Variants in ZC3H18 observed in about 807,000 individuals in gnomAD.
ZC3H18 encodes the protein zinc finger CCCH-type containing 18.
A neutral mutation model predicts 106.1 loss-of-function variants in ZC3H18; 8 were observed. That is an observed-to-expected ratio of 0.08 (90% confidence interval 0.04 to 0.14). The LOEUF is 0.14. Ranked by LOEUF, ZC3H18 falls within the 10% of genes least tolerant of loss-of-function variation. ZC3H18 has a pLI of 1.00. For missense variants in ZC3H18, 1,318 were observed against 1,278.4 expected (o/e 1.03, Z -0.47); for synonymous variants, 635 against 522.1 (o/e 1.22, Z -2.95).
chr16:88,574,667 A>ATTTTT (rs35816940), intron 1 of ZC3H18, among the ~76,000 whole-genome samples: 4 of 79,858 alleles, frequency 5.0e-5, no homozygotes, highest in Non-Finnish European at 9.2e-5. Flanking sequence ...CACCCAGCTA[A>ATTTTT]TTTTTTTTTT....
At chr16:88,612,394 G>A (rs773981930) in intron 8 of ZC3H18, among the ~76,000 whole-genome samples, 50 of 151,926 alleles carry the variant, frequency 3.3e-4, no homozygotes, top group Admixed American at 5.2e-4. Context: ...GAAACCTTGC[G>A]GTGGCTCACA....
intron 15 of ZC3H18, 188 bp from the exon 16 acceptor site, chr16:88,628,570 G>T: frequency 1.6e-6 from 1 of 616,432 alleles, no homozygotes; most frequent in East Asian, 2.8e-5. Context: ...AGGGCCCCAA[G>T]TGCACAGTGG....
chr16:88,584,027 A>T lies in ZC3H18; in HGVS notation c.604-2573A>T, dbSNP rs117669054. On this transcript the variant is annotated intron_variant, in intron 2 of 17. Coordinates refer to ENST00000301011, the MANE Select transcript of ZC3H18 (RefSeq NM_144604.4). ...GAGTTGTCTTTGCATGATATTCTAA[A>T]ATTTAAGAACTTGTTTTAATTATCC... Among the ~76,000 whole-genome samples, 11 of 152,100 alleles carry T rather than the reference A, an allele frequency of 7.2e-5. No individual in the cohort carries two copies. In the East Asian group the frequency reaches 1.7e-3, roughly 24 times the overall value.
chr16:88,580,202 GTGTGTGTATATGTA>G (rs748128091), intron 2 of ZC3H18, among the ~76,000 whole-genome samples: 11,895 of 100,400 alleles, frequency 0.12, 546 homozygotes, highest in East Asian at 0.22. Context: ...GTGTGTGTGT[GTGTGTGTATATGTA>G]TATGTCTCTG....
intron 3 of ZC3H18, among the ~76,000 whole-genome samples, chr16:88,588,479 C>T (rs192957044): frequency 6.6e-6 from 1 of 152,318 alleles, no homozygotes; most frequent in African/African-American, 2.4e-5. Context: ...ACAAAACAGA[C>T]AGAGAGATGG....
At chr16:88,593,110 C>G (rs762464130) in intron 3 of ZC3H18, among the ~76,000 whole-genome samples, 11 of 152,178 alleles carry the variant, frequency 7.2e-5, no homozygotes, top group Non-Finnish European at 1.3e-4. Flanking sequence ...CAAAAGAGCT[C>G]ACTTTACTGC....
chr16:88,607,219 C>T (rs1258881295), intron 6 of ZC3H18, among the ~76,000 whole-genome samples: 1 of 152,210 alleles, frequency 6.6e-6, no homozygotes, highest in East Asian at 1.9e-4. Context: ...TCTGGACCTC[C>T]TGCCTCCTCC....
intron 8 of ZC3H18, among the ~76,000 whole-genome samples, chr16:88,620,025 A>G (rs904463007): frequency 6.6e-6 from 1 of 152,242 alleles, no homozygotes; most frequent in Non-Finnish European, 1.5e-5. Context: ...GCTGACGTAC[A>G]GGAGCTGAAG....
intron 8 of ZC3H18, among the ~76,000 whole-genome samples, chr16:88,614,355 GTCC>G (rs1905450121): frequency 1.3e-5 from 2 of 152,326 alleles, no homozygotes; most frequent in Admixed American, 1.3e-4. Context: ...CAAGCCCCTT[GTCC>G]TCCTCATCTT....
In ZC3H18 at chr16:88,611,455, G is replaced by A. The variant is rs563795475; in HGVS notation, c.1394G>A (p.Arg465Gln). The change falls in exon 8 of 18, where the codon CGG becomes CAG. Residue 465 changes from arginine to glutamine, a missense_variant. Physicochemically the swap from Arg to Gln is conservative, Grantham distance 43 (BLOSUM62 1). This residue lies in a region of ZC3H18 where 848 missense variants were observed against 821.7 expected (regional missense o/e 1.03). Coordinates refer to ENST00000301011, the MANE Select transcript of ZC3H18 (RefSeq NM_144604.4). The stretch of plus-strand genomic sequence containing the variant: ...CGAGCCAAGCGGGACGAGAAGGACC[G>A]GCAGCACCGTGACCGCGACCGGGAG... ...RERAKRDEKD[R>Q]QHRDRDREKE... The A allele has an allele frequency of 5.2e-6, 8 of 1,537,604 alleles. No homozygotes were observed. The highest frequency in any genetic ancestry group is 2.4e-5 in the East Asian group (1 of 40,828).
chr16:88,628,214 G>C, intron 15 of ZC3H18, 95 bp downstream of exon 15: 1 of 1,385,050 alleles, frequency 7.2e-7, no homozygotes, highest in Non-Finnish European at 9.8e-7. Flanking sequence ...CGGAGCCTGA[G>C]TGAGGGCGAG....
intron 10 of ZC3H18, 187 bp from the exon 11 acceptor site, chr16:88,623,771 G>A (rs1567598591): frequency 1.3e-5 from 15 of 1,133,316 alleles, no homozygotes; most frequent in South Asian, 4.1e-5. Flanking sequence ...CACCTTCCAC[G>A]CTCTCTGGTC....
chr16:88,586,493 G>A (rs1915443025), intron 2 of ZC3H18, 107 bp from the exon 3 acceptor site: 1 of 894,448 alleles, frequency 1.1e-6, no homozygotes. Flanking sequence ...CAATTCCTGT[G>A]ACAATATCCA....
At chr16:88,587,484 C>G in intron 3 of ZC3H18, 2 of 1,440,280 alleles carry the variant, frequency 1.4e-6, no homozygotes, top group Non-Finnish European at 1.9e-6. Context: ...ATGACTGTCA[C>G]TGCCAGCCTG....
intron 3 of ZC3H18, among the ~76,000 whole-genome samples, chr16:88,597,869 G>C (rs1454432200): frequency 2.0e-5 from 3 of 152,242 alleles, no homozygotes. Flanking sequence ...GGCTTTTCTG[G>C]TTTAAGGGGA....
Position 88,627,638 on chromosome 16 carries a change from A to G in ZC3H18, c.2125A>G (p.Ser709Gly). ...TGTGTCCAGGTCCCTGAGCGTGAGC[A>G]GCGTCTCCTCAGTGTCCAGTGCTAC... ...SSRSRSLSVS[S>G]VSSVSSATSS... Residue 709 changes from serine to glycine, a missense_variant, in exon 14 of 18, where the codon AGC becomes GGC. Coordinates refer to ENST00000301011, the MANE Select transcript of ZC3H18 (RefSeq NM_144604.4). This position sits in a 1 kb window ranked among gnomAD's most constrained non-coding sequence, Gnocchi z 4.5. 1.2e-6 allele frequency: 2 copies of G among 1,605,126 alleles called. No homozygotes were observed. The highest frequency in any genetic ancestry group is 1.7e-6 in the Non-Finnish European group (2 of 1,172,782).
intron 2 of ZC3H18, among the ~76,000 whole-genome samples, chr16:88,584,582 C>G (rs1915326324): frequency 6.6e-6 from 1 of 152,140 alleles, no homozygotes; most frequent in Non-Finnish European, 1.5e-5. Context: ...CCCAGCACAC[C>G]AATATGTACA....
intron 1 of ZC3H18, among the ~76,000 whole-genome samples, chr16:88,572,649 G>A (rs1914483141): frequency 1.3e-5 from 2 of 152,022 alleles, no homozygotes; most frequent in Non-Finnish European, 2.9e-5. Flanking sequence ...AGACCAAACT[G>A]AGCACAAATT....
chr16:88,582,462 T>G (rs952348611), intron 2 of ZC3H18, among the ~76,000 whole-genome samples: 2 of 152,222 alleles, frequency 1.3e-5, no homozygotes, highest in South Asian at 4.1e-4. Flanking sequence ...GACCTCGTGA[T>G]CCACCCGCCT....
Sources: gnomAD v4.1 joint callset for allele counts (sites outside exome capture counted in the v4.1 genomes callset) on GRCh38, gnomAD v4.1.1 for gene constraint, gnomAD v4.1.1 regional missense constraint, Gnocchi (gnomAD v3.1) non-coding constraint, MANE v1.5 for transcripts, NCBI Gene and HGNC (gene_info 2026-07-23, HGNC 2026-07-21) for gene names.